INSC: variants seen among roughly 807,000 people sequenced by gnomAD.
INSC encodes protein inscuteable homolog.
A neutral mutation model predicts 58.6 loss-of-function variants in INSC; 67 were observed. The ratio of observed to expected loss-of-function variants is 1.14; its 90% CI spans 0.94 to 1.40. INSC has a LOEUF of 1.40. Ranked by LOEUF, INSC falls within the 40% of genes most tolerant of loss-of-function variation. INSC has a pLI of 0.00. For synonymous variants in INSC, 262 were observed against 276.1 expected, an observed-to-expected ratio of 0.95 and a Z score of 0.51; for missense variants, 714 against 692.0, an observed-to-expected ratio of 1.03 and a Z score of -0.36.
intron 1 of INSC, among the ~76,000 whole-genome samples, chr11:15,116,948 T>TTCCTTCCTTCC (rs1847742240): frequency 1.6e-5 from 1 of 64,332 alleles, no homozygotes; most frequent in Non-Finnish European, 3.4e-5. Context: ...TCCTTCCTTC[T>TTCCTTCCTTCC]TTCCTTCCTT....
rs188797203 is a variant in INSC, at chr11:15,240,615, G to A, written c.1470+92G>A. 4.9e-5 allele frequency: 49 copies of A among 1,009,204 alleles called. No individual in the cohort carries two copies. The African/African-American group carries it at 7.2e-4, about 15-fold the overall frequency. The allele number at this position is 1,009,204 out of a possible 1,614,324, so 62.5% of individuals were successfully genotyped here. On this transcript the variant is annotated intron_variant, in intron 12 of 12. Coordinates refer to ENST00000379556, the MANE Select transcript of INSC (RefSeq NM_001042536.3). ...ACCGGCTGTGCTGTGGCTGGCTTCA[G>A]TAAGCCATAAAACCTCTCTGGGCTT... is the stretch of plus-strand genomic sequence containing the variant.
chr11:15,200,885 C>A lies in INSC; in HGVS notation c.755C>A (p.Pro252His), dbSNP rs936484493. The change falls in exon 7 of 13, where the codon CCC (proline) becomes CAC (histidine). Residue 252 changes from proline to histidine, a missense_variant. By Grantham distance (77) the Pro-to-His change is moderately conservative. Coordinates refer to ENST00000379556, the MANE Select transcript of INSC (RefSeq NM_001042536.3). ...CAGGACAGTTTCCGGTGCTTGTACC[C>A]CCAGGCGCTCCGCACGCTGGCCTCC... ...CRQDSFRCLY[P>H]QALRTLASIC... 1 of 1,613,848 alleles carries A rather than the reference C, an allele frequency of 6.2e-7. No homozygotes were observed. The highest frequency in any genetic ancestry group is 1.3e-5 in the African/African-American group (1 of 74,982).
intron 7 of INSC, among the ~76,000 whole-genome samples, chr11:15,212,505 A>G (rs1004961947): frequency 6.6e-6 from 1 of 152,250 alleles, no homozygotes; most frequent in African/African-American, 2.4e-5. Flanking sequence ...AACAGAGTAC[A>G]TCTCTCTACA....
chr11:15,191,029 G>A (rs1433771557), intron 6 of INSC, among the ~76,000 whole-genome samples: 3 of 147,198 alleles, frequency 2.0e-5, no homozygotes, highest in Admixed American at 6.9e-5. Context: ...CACCCAGGCT[G>A]GAGTGCAGTG....
At chr11:15,192,010 T>C (rs1031711438) in intron 6 of INSC, among the ~76,000 whole-genome samples, 3 of 152,136 alleles carry the variant, frequency 2.0e-5, no homozygotes, top group Non-Finnish European at 2.9e-5. Flanking sequence ...CTGAACAAAA[T>C]AAAATGCAAG....
At chr11:15,160,598 C>A (rs556192986) in intron 2 of INSC, among the ~76,000 whole-genome samples, 26 of 152,268 alleles carry the variant, frequency 1.7e-4, no homozygotes, top group African/African-American at 5.8e-4. Flanking sequence ...AAAAATAAGT[C>A]ATTCATGAGT....
chr11:15,252,178 A>G (rs146080850), downstream of INSC, among the ~76,000 whole-genome samples: 1 of 152,332 alleles, frequency 6.6e-6, no homozygotes, highest in Non-Finnish European at 1.5e-5. Context: ...AGAATAGCCA[A>G]GCCTTCATGA....
At chr11:15,161,733 G>T (rs73424551) in intron 2 of INSC, among the ~76,000 whole-genome samples, 2 of 152,176 alleles carry the variant, frequency 1.3e-5, no homozygotes, top group South Asian at 2.1e-4. Flanking sequence ...CGCCACTTAC[G>T]TAAAAGCCCC....
chr11:15,130,013 G>A (rs1848089431), intron 1 of INSC, among the ~76,000 whole-genome samples: 1 of 152,192 alleles, frequency 6.6e-6, no homozygotes, highest in Non-Finnish European at 1.5e-5. Context: ...ACAGGCAGAT[G>A]TGGCTGCCTG....
chr11:15,118,750 T>G (rs1196459489), intron 1 of INSC, among the ~76,000 whole-genome samples: 2 of 152,206 alleles, frequency 1.3e-5, no homozygotes, highest in African/African-American at 4.8e-5. Context: ...CTCAACCAAG[T>G]GAAAACAGGC....
intron 6 of INSC, among the ~76,000 whole-genome samples, chr11:15,198,355 A>G (rs1236310013): frequency 6.6e-6 from 1 of 152,120 alleles, no homozygotes; most frequent in Non-Finnish European, 1.5e-5. Flanking sequence ...CTCTCCTGGT[A>G]GCTAAAAGTG....
intron 6 of INSC, among the ~76,000 whole-genome samples, chr11:15,197,290 G>A (rs572499972): frequency 4.6e-5 from 7 of 152,300 alleles, no homozygotes; most frequent in East Asian, 3.9e-4. Flanking sequence ...AAGATTCAGG[G>A]AGGACTTCCA....
intron 2 of INSC, among the ~76,000 whole-genome samples, chr11:15,171,953 T>A (rs1364885098): frequency 6.6e-6 from 1 of 152,204 alleles, no homozygotes; most frequent in Non-Finnish European, 1.5e-5. Flanking sequence ...CCAGGGGCAT[T>A]TTAACACAGA....
chr11:15,197,004 C>T (rs1274317264), intron 6 of INSC, among the ~76,000 whole-genome samples: 1 of 152,222 alleles, frequency 6.6e-6, no homozygotes, highest in Non-Finnish European at 1.5e-5. Flanking sequence ...TCTCACCAAC[C>T]TTCCATGCCC....
chr11:15,180,684 A>AGGGGGGGGGGGGGG (rs375510258), intron 5 of INSC, among the ~76,000 whole-genome samples: 2 of 39,944 alleles, frequency 5.0e-5, no homozygotes, highest in Non-Finnish European at 8.4e-5. Context: ...GGTAGGAGTG[A>AGGGGGGGGGGGGGG]GGGGGGGGGC....
At chr11:15,191,519 C>T (rs531837830) in intron 6 of INSC, among the ~76,000 whole-genome samples, 7 of 152,194 alleles carry the variant, frequency 4.6e-5, no homozygotes, top group African/African-American at 1.7e-4. Context: ...TTTGGGTGAT[C>T]GATTGACCTT....
chr11:15,230,144 G>A (rs1401657693), intron 9 of INSC, among the ~76,000 whole-genome samples: 3 of 142,502 alleles, frequency 2.1e-5, no homozygotes, highest in Non-Finnish European at 3.0e-5. Flanking sequence ...GAGCCAAGAT[G>A]GCACCACTGT....
intron 12 of INSC, among the ~76,000 whole-genome samples, chr11:15,242,492 TC>T (rs1463459113): frequency 1.3e-5 from 2 of 152,124 alleles, no homozygotes; most frequent in African/African-American, 4.8e-5. Context: ...ATGGAACCTT[TC>T]TGTGGTTCCT....
intron 1 of INSC, among the ~76,000 whole-genome samples, chr11:15,120,638 G>A (rs1847847474): frequency 1.3e-5 from 2 of 152,162 alleles, no homozygotes; most frequent in Non-Finnish European, 2.9e-5. Context: ...AGTAGTGTTG[G>A]GGATGAGATG....
Sources: gnomAD v4.1 joint callset for allele counts (sites outside exome capture counted in the v4.1 genomes callset) on GRCh38, gnomAD v4.1.1 for gene constraint, MANE v1.5 for transcripts, NCBI Gene and HGNC (gene_info 2026-07-23, HGNC 2026-07-21) for gene names.